Variants in TEAD1 observed in about 807,000 individuals in gnomAD.
TEAD1 encodes TEA domain transcription factor 1, also known as transcriptional enhancer factor TEF-1.
Under a neutral mutation model 54.9 loss-of-function variants are expected in TEAD1, and 9 were observed. The observed-to-expected ratio is 0.16, with a 90% confidence interval of 0.10 to 0.29. The LOEUF is 0.29. TEAD1 is among the 10% of genes least tolerant of loss of function. The pLI, the probability that TEAD1 is intolerant of heterozygous loss-of-function variation, is 1.00. For missense variants in TEAD1, 387 were observed against 535.9 expected (o/e 0.72, Z 2.74); for synonymous variants, 200 against 187.8 (o/e 1.07, Z -0.53).
intron 9 of TEAD1, among the ~76,000 whole-genome samples, chr11:12,887,115 G>T (rs1589960363): frequency 1.5e-5 from 2 of 131,484 alleles, no homozygotes; most frequent in African/African-American, 5.9e-5. Flanking sequence ...TTTTTTTGGA[G>T]ACACAGAGTC....
chr11:12,703,129 T>G (rs1943738106), intron 2 of TEAD1, among the ~76,000 whole-genome samples: 1 of 152,140 alleles, frequency 6.6e-6, no homozygotes, highest in East Asian at 1.9e-4. Context: ...CGCATTCCCC[T>G]TAGCCTGGTG....
At chr11:12,899,277 C>T (rs1948377068) in intron 9 of TEAD1, among the ~76,000 whole-genome samples, 1 of 132,674 alleles carries the variant, frequency 7.5e-6, no homozygotes, top group Non-Finnish European at 1.6e-5. Context: ...GTTGGATGGA[C>T]GGATACATAG....
chr11:12,919,216 T>A (rs1055279112), intron 10 of TEAD1, among the ~76,000 whole-genome samples: 10 of 152,192 alleles, frequency 6.6e-5, no homozygotes, highest in East Asian at 5.8e-4. Flanking sequence ...TTTTGAATAA[T>A]TCTATCATTG....
intron 2 of TEAD1, among the ~76,000 whole-genome samples, chr11:12,727,894 C>CTTT (rs921926565): frequency 1.3e-5 from 2 of 148,678 alleles, no homozygotes; most frequent in African/African-American, 4.9e-5. Context: ...ATATCCATAT[C>CTTT]TTTTTTTTTT....
At position 12,937,748 on chromosome 11, in the gene TEAD1, G is replaced by A. The variant is rs1182502585; in HGVS notation, c.*526G>A. 1 of 152,524 alleles carries A rather than the reference G, an allele frequency of 6.6e-6. No individual in the cohort carries two copies. Among genetic ancestry groups the A allele is most frequent in the Non-Finnish European group, 1.5e-5 (1 of 68,056 alleles). 9.4% of individuals were successfully genotyped at this position (152,524 alleles called of 1,614,324 possible). ...CTTATCTTTGTAACTAATTAGGGTG[G>A]AAGTTATGAAAGAATGTAATTCACT... On this transcript the variant is annotated 3_prime_UTR_variant, in exon 13 of 13. Coordinates refer to ENST00000527636, the MANE Select transcript of TEAD1 (RefSeq NM_021961.6).
intron 2 of TEAD1, among the ~76,000 whole-genome samples, chr11:12,692,901 C>T (rs769660448): frequency 2.6e-5 from 4 of 152,192 alleles, no homozygotes; most frequent in Non-Finnish European, 2.9e-5. Context: ...GCTTCCTCCA[C>T]CCCCACCCCA....
At chr11:12,693,677 C>G (rs781230789) in intron 2 of TEAD1, among the ~76,000 whole-genome samples, 1 of 152,164 alleles carries the variant, frequency 6.6e-6, no homozygotes, top group Non-Finnish European at 1.5e-5. Context: ...TTTCGGTAAC[C>G]GTTGTCCTCC....
At chr11:12,815,353 T>C (rs1352651280) in intron 3 of TEAD1, among the ~76,000 whole-genome samples, 1 of 152,122 alleles carries the variant, frequency 6.6e-6, no homozygotes, top group African/African-American at 2.4e-5. Context: ...ATGCTCTCTC[T>C]GCCCCAGCTG....
chr11:12,802,657 A>G (rs1183250726), intron 3 of TEAD1, among the ~76,000 whole-genome samples: 1 of 152,116 alleles, frequency 6.6e-6, no homozygotes, highest in African/African-American at 2.4e-5. Context: ...AATCCAGGTC[A>G]AGATGAAGAA....
intron 2 of TEAD1, among the ~76,000 whole-genome samples, chr11:12,714,241 A>G (rs567243967): frequency 1.3e-5 from 2 of 152,262 alleles, no homozygotes; most frequent in Admixed American, 1.3e-4. Context: ...GAAGCCTCCC[A>G]AGCAGTGGCC....
chr11:12,819,094 G>T (rs532320840), intron 3 of TEAD1, among the ~76,000 whole-genome samples: 9 of 152,256 alleles, frequency 5.9e-5, no homozygotes, highest in African/African-American at 2.2e-4. Context: ...CTAAACTTTA[G>T]AATTGGGATT....
chr11:12,773,443 T>C (rs1386075424), intron 3 of TEAD1, among the ~76,000 whole-genome samples: 3 of 152,228 alleles, frequency 2.0e-5, no homozygotes, highest in South Asian at 4.1e-4. Context: ...GTCATCACCA[T>C]TGTTTATTTT....
At chr11:12,726,209 G>A (rs187348333) in intron 2 of TEAD1, among the ~76,000 whole-genome samples, 32 of 152,300 alleles carry the variant, frequency 2.1e-4, no homozygotes, top group African/African-American at 7.0e-4. Flanking sequence ...AGTGGGAGAA[G>A]GTAGTTAGGG....
At chr11:12,781,976 GA>G (rs1436210098) in intron 3 of TEAD1, among the ~76,000 whole-genome samples, 2 of 119,850 alleles carry the variant, frequency 1.7e-5, no homozygotes, top group Admixed American at 1.5e-4. Context: ...AAAAAAGAAA[GA>G]AAAAAAGAAA....
At chr11:12,930,031 A>C in intron 11 of TEAD1, 143 bp from the exon 12 acceptor site, 1 of 877,600 alleles carries the variant, frequency 1.1e-6, no homozygotes. Context: ...GTTTTTTTTT[A>C]ATTAAGTAGA....
chr11:12,681,351 C>T (rs560926273), intron 2 of TEAD1, among the ~76,000 whole-genome samples: 2 of 152,230 alleles, frequency 1.3e-5, no homozygotes, highest in South Asian at 4.1e-4. Context: ...TTCAGAATAC[C>T]TCCCTCATTT....
At chr11:12,844,695 A>G (rs1367537156) in intron 3 of TEAD1, among the ~76,000 whole-genome samples, 1 of 152,064 alleles carries the variant, frequency 6.6e-6, no homozygotes, top group Non-Finnish European at 1.5e-5. Context: ...GCTAAATTGG[A>G]TTTGTTACTG....
chr11:12,888,776 A>G (rs1159960575), intron 9 of TEAD1, among the ~76,000 whole-genome samples: 1 of 152,204 alleles, frequency 6.6e-6, no homozygotes, highest in East Asian at 1.9e-4. Flanking sequence ...TAGCTTGCCC[A>G]GTGTTAGACA....
chr11:12,771,968 T>G (rs981978279), intron 3 of TEAD1, among the ~76,000 whole-genome samples: 54 of 152,198 alleles, frequency 3.5e-4, no homozygotes, highest in African/African-American at 1.3e-3. Context: ...GAGTATGGCC[T>G]GGGAAACTGT....
Sources: gnomAD v4.1 joint callset for allele counts (sites outside exome capture counted in the v4.1 genomes callset) on GRCh38, gnomAD v4.1.1 for gene constraint, MANE v1.5 for transcripts, NCBI Gene and HGNC (gene_info 2026-07-23, HGNC 2026-07-21) for gene names.